Variants in PLEKHA2 observed in about 807,000 individuals in gnomAD.
The protein encoded by PLEKHA2 is pleckstrin homology domain containing A2, also known as pleckstrin homology domain-containing family A member 2.
A neutral mutation model predicts 53.2 loss-of-function variants in PLEKHA2; 28 were observed. That is an observed-to-expected ratio of 0.53 (90% confidence interval 0.39 to 0.72). PLEKHA2 has a LOEUF of 0.72. PLEKHA2 is among the 30% of genes least tolerant of loss of function. The pLI is 0.00. For missense variants in PLEKHA2, 426 were observed against 537.9 expected, an observed-to-expected ratio of 0.79 and a Z score of 2.06; for synonymous variants, 193 against 196.4, an observed-to-expected ratio of 0.98 and a Z score of 0.14.
chr8:38,952,050 T>G, intron 6 of PLEKHA2, 116 bp from the exon 7 acceptor site: 3 of 1,310,524 alleles, frequency 2.3e-6, no homozygotes, highest in Non-Finnish European at 3.1e-6. Flanking sequence ...GTGCCCACCA[T>G]TTATTTCTTC....
intron 1 of PLEKHA2, among the ~76,000 whole-genome samples, chr8:38,913,409 C>A (rs1168385194): frequency 2.0e-5 from 3 of 151,298 alleles, no homozygotes; most frequent in Admixed American, 2.0e-4. Context: ...ATGAATCCTG[C>A]AGGCTAAAAA....
At chr8:38,953,551 A>G (rs1355913371) in intron 9 of PLEKHA2, among the ~76,000 whole-genome samples, 184 bp downstream of exon 9, 1 of 152,184 alleles carries the variant, frequency 6.6e-6, no homozygotes, top group East Asian at 1.9e-4. Flanking sequence ...CGCCCTGGGC[A>G]CACTTGCCCT....
chr8:38,947,972 G>C (rs1234580691), intron 5 of PLEKHA2, among the ~76,000 whole-genome samples: 1 of 151,416 alleles, frequency 6.6e-6, no homozygotes, highest in Non-Finnish European at 1.5e-5. Context: ...CGTAATCCCA[G>C]CTACTTGGGA....
At chr8:38,949,916 A>G (rs1020972257) in intron 5 of PLEKHA2, among the ~76,000 whole-genome samples, 4 of 152,224 alleles carry the variant, frequency 2.6e-5, no homozygotes, top group African/African-American at 9.6e-5. Flanking sequence ...TATACCACAC[A>G]TCTTCTGGCT....
rs770587107 is a variant in PLEKHA2, at chr8:38,968,647, A to G, written c.893A>G (p.Gln298Arg). The G allele has an allele frequency of 6.2e-7, 1 of 1,614,038 alleles. No homozygotes were observed. Among genetic ancestry groups the G allele is most frequent in the Admixed American group, 1.7e-5 (1 of 60,026 alleles). ...SWIKEIGAAV[Q>R]ALKCHPRETS... is the part of the protein sequence containing the mutation. Reference sequence around the variant, plus strand: ...ATTAAGGAGATTGGCGCAGCTGTCCAGGCCCTCAAGTGCCACCCCAGAGTA... The same window carrying G: ...ATTAAGGAGATTGGCGCAGCTGTCCGGGCCCTCAAGTGCCACCCCAGAGTA... The change falls in exon 11 of 12, where the codon CAG (glutamine) becomes CGG (arginine). Residue 298 changes from glutamine (Q) to arginine (R), a missense_variant. By Grantham distance (43) the Gln-to-Arg change is conservative. Coordinates refer to ENST00000617275, the MANE Select transcript of PLEKHA2 (RefSeq NM_021623.2).
intron 11 of PLEKHA2, chr8:38,968,908 T>C: frequency 4.2e-6 from 2 of 480,402 alleles, no homozygotes; most frequent in Non-Finnish European, 7.3e-6. Flanking sequence ...CTTTTTTTTT[T>C]TTTTTTTTGA....
At chr8:38,937,915 C>T (rs752809409) in intron 3 of PLEKHA2, among the ~76,000 whole-genome samples, 4 of 152,168 alleles carry the variant, frequency 2.6e-5, no homozygotes, top group Non-Finnish European at 5.9e-5. Context: ...GCTGGCTGTT[C>T]AGGGTGTGTG....
chr8:38,911,384 G>A (rs1833951987), intron 1 of PLEKHA2, among the ~76,000 whole-genome samples: 1 of 151,980 alleles, frequency 6.6e-6, no homozygotes, highest in African/African-American at 2.4e-5. Flanking sequence ...TTATAGGTGC[G>A]CACCACCATG....
chr8:38,963,189 A>G (rs1186018622), intron 10 of PLEKHA2, among the ~76,000 whole-genome samples: 1 of 152,206 alleles, frequency 6.6e-6, no homozygotes. Flanking sequence ...TCATTTTAAT[A>G]CTGTCTGTCC....
chr8:38,958,378 G>A (rs567000029), intron 10 of PLEKHA2, among the ~76,000 whole-genome samples: 1 of 152,272 alleles, frequency 6.6e-6, no homozygotes, highest in South Asian at 2.1e-4. Flanking sequence ...AAGCAGGTTG[G>A]TTTAAAGGTG....
chr8:38,938,425 C>T (rs937467129), intron 3 of PLEKHA2, among the ~76,000 whole-genome samples: 10 of 152,182 alleles, frequency 6.6e-5, no homozygotes, highest in East Asian at 3.9e-4. Context: ...GGGCAGAGGC[C>T]GCAGCAGAGC....
chr8:38,945,290 C>T (rs1340056332), intron 4 of PLEKHA2, among the ~76,000 whole-genome samples: 1 of 152,192 alleles, frequency 6.6e-6, no homozygotes, highest in Non-Finnish European at 1.5e-5. Context: ...GTATCCTCAG[C>T]ACTTAAAGAT....
chr8:38,914,065 TC>T (rs575035244), intron 1 of PLEKHA2, among the ~76,000 whole-genome samples: 629 of 152,342 alleles, frequency 4.1e-3, no homozygotes, highest in Non-Finnish European at 7.5e-3. Flanking sequence ...CCATGGTTGA[TC>T]CTTCTCACCA....
rs377170637 is a variant in PLEKHA2 at position 38,953,312 on chromosome 8, C to T, written c.718C>T (p.Arg240Cys). 21 of 1,612,980 alleles carry T rather than the reference C, an allele frequency of 1.3e-5. No individual in the cohort carries two copies. Among genetic ancestry groups the T allele is most frequent in the African/African-American group, 6.7e-5 (5 of 74,900 alleles). Residue 240 changes from arginine (R) to cysteine (C), a missense_variant, in exon 9 of 12, where the codon CGC becomes TGC. Transcript: ENST00000617275. Reference sequence around the variant, plus strand: ...TTTCCACCAGGACCGAGAACCACTGCGCACCATATTTCTTAAGGATGTTCT... The same window carrying T: ...TTTCCACCAGGACCGAGAACCACTGTGCACCATATTTCTTAAGGATGTTCT... ...FKCEQDREPL[R>C]TIFLKDVLKT...
chr8:38,928,209 A>G (rs544620415), intron 2 of PLEKHA2, among the ~76,000 whole-genome samples: 143 of 145,600 alleles, frequency 9.8e-4, no homozygotes, highest in Admixed American at 2.1e-3. Context: ...CCGGGAGATT[A>G]TCTGAAGCCC....
intron 6 of PLEKHA2, 72 bp from the exon 7 acceptor site, chr8:38,952,094 C>T: frequency 6.6e-7 from 1 of 1,526,658 alleles, no homozygotes; most frequent in Non-Finnish European, 8.9e-7. Context: ...GAGATTCAGG[C>T]AGAGGGAGGT....
intron 10 of PLEKHA2, among the ~76,000 whole-genome samples, chr8:38,963,263 G>A (rs1835071890): frequency 6.6e-6 from 1 of 152,180 alleles, no homozygotes; most frequent in Non-Finnish European, 1.5e-5. Flanking sequence ...CCGAGCACCA[G>A]AAACAGGTGC....
intron 3 of PLEKHA2, among the ~76,000 whole-genome samples, chr8:38,936,401 A>T (rs1345463985): frequency 2.0e-5 from 3 of 152,236 alleles, no homozygotes; most frequent in African/African-American, 7.2e-5. Flanking sequence ...AGGGAACACG[A>T]AAACAATCAC....
intron 9 of PLEKHA2, among the ~76,000 whole-genome samples, chr8:38,956,890 C>T (rs1213937861): frequency 3.9e-5 from 6 of 152,106 alleles, no homozygotes; most frequent in East Asian, 1.9e-4. Context: ...AAGTGCCCCC[C>T]GGGGCTGTTG....
Sources: gnomAD v4.1 joint callset for allele counts (sites outside exome capture counted in the v4.1 genomes callset) on GRCh38, gnomAD v4.1.1 for gene constraint, MANE v1.5 for transcripts, NCBI Gene and HGNC (gene_info 2026-07-23, HGNC 2026-07-21) for gene names.